Variants in RNGTT observed in about 807,000 individuals in gnomAD.
The protein encoded by RNGTT is RNA guanylyltransferase and 5'-phosphatase.
Under a neutral mutation model 79.3 loss-of-function variants are expected in RNGTT, and 33 were observed. The ratio of observed to expected loss-of-function variants is 0.42; its 90% CI spans 0.32 to 0.56. The LOEUF (loss-of-function observed/expected upper bound fraction) is 0.56. Among genes scored for constraint, RNGTT ranks in the 20% least tolerant of loss-of-function variants. The probability of loss-of-function intolerance (pLI) is 0.17; values close to 1 mark genes in which losing one functional copy is unlikely to be tolerated. For synonymous variants in RNGTT, 222 were observed against 235.9 expected (o/e 0.94, Z 0.54); for missense variants, 497 against 739.1 (o/e 0.67, Z 3.80).
chr6:88,644,431 G>A lies in RNGTT; in HGVS notation c.1507-30036C>T, dbSNP rs555990885. Among the ~76,000 whole-genome samples, 13 of 152,150 alleles carry A rather than the reference G, an allele frequency of 8.5e-5. No homozygotes were observed. In the East Asian group the frequency reaches 2.5e-3, roughly 29 times the overall value. ...CGAATTCTACCAGAGGTACAAGGAG[G>A]AGCTGGTACCATTCCTTCTGAAACT... On this transcript the variant is annotated intron_variant, in intron 14 of 15. Transcript: ENST00000369485.
At chr6:88,777,688 T>A (rs918360076) in intron 12 of RNGTT, among the ~76,000 whole-genome samples, 3 of 152,150 alleles carry the variant, frequency 2.0e-5, no homozygotes, top group Admixed American at 6.5e-5. Context: ...AATTAACAGG[T>A]TTTTTTGATG....
chr6:88,939,023 A>C (rs930814315), intron 2 of RNGTT, among the ~76,000 whole-genome samples: 1 of 151,480 alleles, frequency 6.6e-6, no homozygotes, highest in Admixed American at 6.6e-5. Flanking sequence ...ATGACTAGAC[A>C]CTCTTAATGT....
chr6:88,628,928 A>C (rs920213231), intron 14 of RNGTT, among the ~76,000 whole-genome samples: 5 of 152,182 alleles, frequency 3.3e-5, no homozygotes, highest in African/African-American at 4.8e-5. Flanking sequence ...TAAAGGAGAG[A>C]CATGTGAACT....
chr6:88,740,842 T>C (rs1043145686), intron 13 of RNGTT, among the ~76,000 whole-genome samples: 1 of 152,102 alleles, frequency 6.6e-6, no homozygotes, highest in Non-Finnish European at 1.5e-5. Context: ...CATATACCTA[T>C]GTAACAAACC....
At chr6:88,880,930 AAT>A in intron 8 of RNGTT, among the ~76,000 whole-genome samples, 1 of 152,284 alleles carries the variant, frequency 6.6e-6, no homozygotes, top group Admixed American at 6.5e-5. Context: ...CTTTTCCCAG[AAT>A]ATGTGTGAAA....
chr6:88,854,886 G>A (rs1781794034), intron 8 of RNGTT, among the ~76,000 whole-genome samples: 1 of 152,150 alleles, frequency 6.6e-6, no homozygotes, highest in Admixed American at 6.5e-5. Flanking sequence ...TACAGTCTGG[G>A]AAGCTATGCT....
chr6:88,680,758 AG>A (rs1396739157), intron 13 of RNGTT, among the ~76,000 whole-genome samples: 1 of 151,460 alleles, frequency 6.6e-6, no homozygotes, highest in Admixed American at 6.6e-5. Flanking sequence ...AAAAAAAAAA[AG>A]CCTACAAAGT....
intron 11 of RNGTT, among the ~76,000 whole-genome samples, chr6:88,837,044 T>C (rs1334509861): frequency 6.6e-6 from 1 of 152,090 alleles, no homozygotes; most frequent in African/African-American, 2.4e-5. Context: ...ATCCAAATAA[T>C]TCCGTGGAGG....
At chr6:88,899,924 A>G (rs1453590166) in intron 6 of RNGTT, among the ~76,000 whole-genome samples, 2 of 152,208 alleles carry the variant, frequency 1.3e-5, no homozygotes, top group African/African-American at 4.8e-5. Flanking sequence ...GGCTATAGGA[A>G]TAAGAGCAGA....
At chr6:88,639,428 T>C (rs778080366) in intron 14 of RNGTT, among the ~76,000 whole-genome samples, 16 of 152,190 alleles carry the variant, frequency 1.1e-4, no homozygotes, top group East Asian at 1.9e-4. Flanking sequence ...AGTAAAGATA[T>C]ACACAGGCAA....
chr6:88,829,348 G>A (rs1780773971), intron 11 of RNGTT, among the ~76,000 whole-genome samples: 2 of 152,096 alleles, frequency 1.3e-5, no homozygotes, highest in African/African-American at 2.4e-5. Context: ...CACCACCAGG[G>A]CTGCCCTAAA....
intron 13 of RNGTT, among the ~76,000 whole-genome samples, chr6:88,709,178 G>A (rs769319384): frequency 1.3e-5 from 2 of 152,012 alleles, no homozygotes; most frequent in South Asian, 2.1e-4. Flanking sequence ...GCTGGCATGC[G>A]CCTGTAATCC....
At chr6:88,643,814 G>C (rs1409434565) in intron 14 of RNGTT, among the ~76,000 whole-genome samples, 1 of 152,180 alleles carries the variant, frequency 6.6e-6, no homozygotes, top group African/African-American at 2.4e-5. Flanking sequence ...CGCGAACAAA[G>C]ACACAACATA....
chr6:88,676,497 G>C (rs1016782961), intron 14 of RNGTT, among the ~76,000 whole-genome samples: 2 of 152,018 alleles, frequency 1.3e-5, no homozygotes, highest in African/African-American at 2.4e-5. Context: ...GAATACATAC[G>C]AGAAAAATCT....
At chr6:88,761,380 A>ACTC (rs2127836332) in intron 13 of RNGTT, among the ~76,000 whole-genome samples, 1 of 152,188 alleles carries the variant, frequency 6.6e-6, no homozygotes, top group Non-Finnish European at 1.5e-5. Context: ...AATCCCAGCT[A>ACTC]CTCTGGAGGC....
At chr6:88,799,225 C>G (rs760597501) in intron 12 of RNGTT, among the ~76,000 whole-genome samples, 1 of 151,820 alleles carries the variant, frequency 6.6e-6, no homozygotes, top group Non-Finnish European at 1.5e-5. Flanking sequence ...ATTTTCTCCA[C>G]GTTAATCTAA....
chr6:88,811,350 A>G (rs1438462981), intron 11 of RNGTT, among the ~76,000 whole-genome samples: 3 of 152,208 alleles, frequency 2.0e-5, no homozygotes, highest in Non-Finnish European at 4.4e-5. Flanking sequence ...TTGCTTACTT[A>G]TGAACATAAT....
intron 11 of RNGTT, among the ~76,000 whole-genome samples, chr6:88,822,203 T>C (rs1780517306): frequency 6.6e-6 from 1 of 152,148 alleles, no homozygotes; most frequent in Non-Finnish European, 1.5e-5. Context: ...GAGATTTTAG[T>C]GGGCTCAGGG....
intron 11 of RNGTT, among the ~76,000 whole-genome samples, chr6:88,802,126 T>G (rs866955747): frequency 3.3e-5 from 5 of 152,176 alleles, no homozygotes; most frequent in Non-Finnish European, 4.4e-5. Context: ...AGCTCAAACA[T>G]GAAGATTATA....
Sources: gnomAD v4.1 joint callset for allele counts (sites outside exome capture counted in the v4.1 genomes callset) on GRCh38, gnomAD v4.1.1 for gene constraint, MANE v1.5 for transcripts, NCBI Gene and HGNC (gene_info 2026-07-23, HGNC 2026-07-21) for gene names.